Variants in ZFYVE9 observed in about 807,000 individuals in gnomAD.
ZFYVE9 encodes zinc finger FYVE-type containing 9.
ZFYVE9 carries 43 observed loss-of-function variants against 126.7 expected under a neutral mutation model. The observed-to-expected ratio is 0.34, with a 90% CI of 0.27 to 0.44. The LOEUF is 0.44. Among genes scored for constraint, ZFYVE9 ranks in the 20% least tolerant of loss-of-function variants. The pLI is 1.00. For synonymous variants in ZFYVE9, 521 were observed against 597.4 expected (o/e 0.87, Z 1.87); for missense variants, 1,476 against 1,697.0 (o/e 0.87, Z 2.29).
At chr1:52,205,503 A>G (rs1329429498) in intron 1 of ZFYVE9, among the ~76,000 whole-genome samples, 2 of 151,870 alleles carry the variant, frequency 1.3e-5, no homozygotes. Context: ...AGCTAGGTCT[A>G]CAAGTGTGCA....
chr1:52,236,155 ACTT>A (rs1015175948), intron 3 of ZFYVE9, among the ~76,000 whole-genome samples: 1 of 152,148 alleles, frequency 6.6e-6, no homozygotes, highest in Non-Finnish European at 1.5e-5. Flanking sequence ...GAGATTATAT[ACTT>A]CTTAGAGGCA....
At chr1:52,271,953 C>T (rs1438288799) in intron 7 of ZFYVE9, among the ~76,000 whole-genome samples, 1 of 152,188 alleles carries the variant, frequency 6.6e-6, no homozygotes, top group Non-Finnish European at 1.5e-5. Flanking sequence ...GATTCTCCTG[C>T]CTCAGCCTCC....
At chr1:52,320,173 T>A (rs1553135976) in intron 13 of ZFYVE9, among the ~76,000 whole-genome samples, 1 of 151,640 alleles carries the variant, frequency 6.6e-6, no homozygotes, top group Non-Finnish European at 1.5e-5. Flanking sequence ...TGGGTTCAAG[T>A]GATTCTCCTG....
chr1:52,167,293 C>T (rs951493531), intron 1 of ZFYVE9, among the ~76,000 whole-genome samples: 2 of 152,108 alleles, frequency 1.3e-5, no homozygotes, highest in African/African-American at 4.8e-5. Context: ...TCCTTGACCC[C>T]ATCAATCTTG....
rs748557900 is a variant in ZFYVE9 at position 52,238,083 on chromosome 1, G to C, written c.666G>C (p.Glu222Asp). The C allele has an allele frequency of 6.2e-7, 1 of 1,614,038 alleles. No individual in the cohort carries two copies. The highest frequency in any genetic ancestry group is 1.7e-5 in the Admixed American group (1 of 60,004). ...QMDPLNRPKTEGRSVNHLCPT... is the reference protein window; with the variant it reads ...QMDPLNRPKTDGRSVNHLCPT... ...ATCCATTGAATAGACCGAAAACAGA[G>C]GGGAGATCTGTTAACCATCTGTGTC... Residue 222 changes from glutamate (E) to aspartate (D), a missense_variant, in exon 4 of 19, where the codon GAG becomes GAC. Physicochemically the swap from Glu to Asp is conservative, Grantham distance 45. Transcript: ENST00000287727.
At chr1:52,272,104 C>T (rs549998917) in intron 7 of ZFYVE9, among the ~76,000 whole-genome samples, 1 of 152,288 alleles carries the variant, frequency 6.6e-6, no homozygotes, top group Admixed American at 6.5e-5. Flanking sequence ...TCTCAAAGTG[C>T]TGGGATTACA....
At chr1:52,308,011 C>T (rs1214643475) in intron 13 of ZFYVE9, among the ~76,000 whole-genome samples, 2 of 152,144 alleles carry the variant, frequency 1.3e-5, no homozygotes, top group East Asian at 3.9e-4. Context: ...CTTGGCCTCC[C>T]AAAGTGCTGG....
intron 1 of ZFYVE9, chr1:52,160,462 C>T: frequency 1.2e-6 from 1 of 834,684 alleles, no homozygotes; most frequent in Non-Finnish European, 2.1e-6. Flanking sequence ...GACCTGTTAC[C>T]AGCTGGAATG....
At chr1:52,303,789 A>G in intron 12 of ZFYVE9, 32 bp from the exon 13 acceptor site, 1 of 1,416,104 alleles carries the variant, frequency 7.1e-7, no homozygotes, top group Non-Finnish European at 9.5e-7. Flanking sequence ...TTGATGAATT[A>G]ATTTATTCTG....
At chr1:52,344,976 G>A in intron 18 of ZFYVE9, 32 bp downstream of exon 18, 1 of 1,607,906 alleles carries the variant, frequency 6.2e-7, no homozygotes, top group Non-Finnish European at 8.5e-7. Context: ...TTTTAAAGCT[G>A]GCCTTGGGCA....
chr1:52,160,114 T>C, intron 1 of ZFYVE9: 1 of 545,866 alleles, frequency 1.8e-6, no homozygotes, highest in East Asian at 3.1e-5. Context: ...TCCTTGATTA[T>C]AGAGATTCAT....
At chr1:52,255,306 A>C (rs552196417) in intron 4 of ZFYVE9, among the ~76,000 whole-genome samples, 2 of 152,226 alleles carry the variant, frequency 1.3e-5, no homozygotes, top group South Asian at 4.1e-4. Flanking sequence ...TTTTAGAGCC[A>C]GGCACGGTGG....
chr1:52,286,137 C>G (rs1311869641), intron 10 of ZFYVE9, among the ~76,000 whole-genome samples: 1 of 144,566 alleles, frequency 6.9e-6, no homozygotes, highest in Non-Finnish European at 1.5e-5. Flanking sequence ...GCTTGGGCAA[C>G]AAGAATGAGA....
chr1:52,181,677 G>A (rs1304381008), intron 1 of ZFYVE9, among the ~76,000 whole-genome samples: 1 of 151,916 alleles, frequency 6.6e-6, no homozygotes, highest in East Asian at 1.9e-4. Context: ...TAGGAAGTGA[G>A]GAGCGTCTCT....
chr1:52,305,198 T>C (rs1646070916), intron 13 of ZFYVE9, among the ~76,000 whole-genome samples: 1 of 152,212 alleles, frequency 6.6e-6, no homozygotes, highest in Non-Finnish European at 1.5e-5. Context: ...CCCAGCACTT[T>C]GGGAGGCCAA....
intron 2 of ZFYVE9, among the ~76,000 whole-genome samples, chr1:52,224,852 G>A (rs1035968557): frequency 2.6e-5 from 4 of 152,060 alleles, no homozygotes; most frequent in African/African-American, 7.2e-5. Context: ...TTGCACTCCC[G>A]TGTCCTAGAG....
At chr1:52,282,191 A>G (rs1049060720) in intron 10 of ZFYVE9, among the ~76,000 whole-genome samples, 9 of 152,346 alleles carry the variant, frequency 5.9e-5, no homozygotes, top group Non-Finnish European at 7.3e-5. Context: ...TGAATATTCA[A>G]ATTTCAAAAA....
At chr1:52,181,144 A>G (rs557028866) in intron 1 of ZFYVE9, among the ~76,000 whole-genome samples, 2 of 151,586 alleles carry the variant, frequency 1.3e-5, no homozygotes, top group South Asian at 2.1e-4. Context: ...CCGAAGCTGG[A>G]CTGTACTGCT....
At chr1:52,160,248 T>C in intron 1 of ZFYVE9, 1 of 861,800 alleles carries the variant, frequency 1.2e-6, no homozygotes, top group South Asian at 1.3e-5. Context: ...GGACTTTATT[T>C]TTCTCTTTTC....
Sources: gnomAD v4.1 joint callset for allele counts (sites outside exome capture counted in the v4.1 genomes callset) on GRCh38, gnomAD v4.1.1 for gene constraint, MANE v1.5 for transcripts, NCBI Gene and HGNC (gene_info 2026-07-23, HGNC 2026-07-21) for gene names.